The following GNG4 variants were observed in gnomAD, a reference collection of about 807,000 sequenced individuals.
The protein encoded by GNG4 is guanine nucleotide-binding protein G(I)/G(S)/G(O) subunit gamma-4.
A neutral mutation model predicts 5.8 loss-of-function variants in GNG4; 4 were observed. The observed-to-expected ratio is 0.69, with a 90% confidence interval of 0.34 to 1.57. GNG4 has a LOEUF of 1.57. Among genes scored for constraint, GNG4 ranks in the 40% most tolerant of loss-of-function variants. The pLI is 0.06. For missense variants in GNG4, 96 were observed against 95.1 expected (o/e 1.01, Z -0.04); for synonymous variants, 29 against 32.9 (o/e 0.88, Z 0.41).
At chr1:235,592,999 A>C (rs1229533496) in intron 2 of GNG4, among the ~76,000 whole-genome samples, 3 of 145,790 alleles carry the variant, frequency 2.1e-5, no homozygotes, top group Non-Finnish European at 4.5e-5. Flanking sequence ...CCAGGCTTGG[A>C]GTGCAGTGGT....
At chr1:235,587,920 G>GTGTAAGTGTACA (rs1687863687) in intron 2 of GNG4, among the ~76,000 whole-genome samples, 3 of 55,050 alleles carry the variant, frequency 5.4e-5, no homozygotes, top group East Asian at 8.1e-3. Context: ...GTGGGTATAA[G>GTGTAAGTGTACA]TGTGAGTCCT....
chr1:235,592,233 C>T (rs1687982709), intron 2 of GNG4, among the ~76,000 whole-genome samples: 1 of 152,142 alleles, frequency 6.6e-6, no homozygotes, highest in African/African-American at 2.4e-5. Context: ...GGGCCGGGTA[C>T]AGTGACTCAC....
intron 3 of GNG4, among the ~76,000 whole-genome samples, chr1:235,562,375 A>G (rs2102918671): frequency 6.6e-6 from 1 of 152,236 alleles, no homozygotes; most frequent in Non-Finnish European, 1.5e-5. Flanking sequence ...GGTGGGGCAC[A>G]GCAGCTCATG....
In GNG4 at chr1:235,547,849, G is replaced by C. The variant is rs12022945; in HGVS notation, c.*4260C>G. 84,468 of 151,940 alleles carry C rather than the reference G, an allele frequency of 0.56. 24,219 individuals are homozygous for C. Among genetic ancestry groups the C allele is most frequent in the East Asian group, 0.83 (4,287 of 5,162 alleles). 9.4% of individuals were successfully genotyped at this position (151,940 alleles called of 1,614,324 possible). ...ACCCCAGAAGCACCACCTCATGCCC[G>C]CTTCTGGTTACTGTCTTCTTAGGAC... On this transcript the variant is annotated 3_prime_UTR_variant, in exon 4 of 4. Transcript: ENST00000391854.
At chr1:235,576,137 T>C (rs1687478177) in intron 3 of GNG4, among the ~76,000 whole-genome samples, 1 of 150,554 alleles carries the variant, frequency 6.6e-6, no homozygotes, top group African/African-American at 2.5e-5. Context: ...CTGGGCTCAC[T>C]GAAACCTCCG....
chr1:235,605,963 T>G (rs114782182), intron 1 of GNG4, among the ~76,000 whole-genome samples: 74,168 of 142,628 alleles, frequency 0.52, 19,932 homozygotes, highest in Non-Finnish European at 0.58. Context: ...TGTGGGGGGG[T>G]GGGTCTCACT....
At chr1:235,592,828 C>G (rs781597753) in intron 2 of GNG4, among the ~76,000 whole-genome samples, 1 of 152,148 alleles carries the variant, frequency 6.6e-6, no homozygotes, top group African/African-American at 2.4e-5. Context: ...CATGAGCCGC[C>G]GGGTCCTCCT....
intron 3 of GNG4, among the ~76,000 whole-genome samples, chr1:235,574,905 A>C (rs1026019635): frequency 1.1e-4 from 16 of 151,954 alleles, no homozygotes; most frequent in Admixed American, 6.6e-4. Context: ...GCTCACTGCA[A>C]CCTCCACCTC....
chr1:235,603,352 G>A (rs1222227028), intron 1 of GNG4, among the ~76,000 whole-genome samples: 1 of 152,098 alleles, frequency 6.6e-6, no homozygotes, highest in African/African-American at 2.4e-5. Context: ...AAAGGGCACA[G>A]CCTTTCTATC....
chr1:235,553,367 C>T (rs899684261), intron 3 of GNG4, among the ~76,000 whole-genome samples: 7 of 152,060 alleles, frequency 4.6e-5, no homozygotes, highest in African/African-American at 1.4e-4. Context: ...GTTCTGCCTG[C>T]GAGTATTTAT....
chr1:235,555,064 G>A (rs1048776663), intron 3 of GNG4, among the ~76,000 whole-genome samples: 3 of 152,122 alleles, frequency 2.0e-5, no homozygotes, highest in African/African-American at 7.2e-5. Context: ...CAACAGTTTT[G>A]CCCTCTAGAA....
At chr1:235,636,084 A>C (rs1689029773) in intron 1 of GNG4, among the ~76,000 whole-genome samples, 2 of 152,182 alleles carry the variant, frequency 1.3e-5, no homozygotes, top group African/African-American at 4.8e-5. Context: ...TAGACAGGTA[A>C]GCCCAGACTA....
chr1:235,569,535 T>C (rs943408121), intron 3 of GNG4, among the ~76,000 whole-genome samples: 1 of 151,960 alleles, frequency 6.6e-6, no homozygotes, highest in Non-Finnish European at 1.5e-5. Context: ...ATTCTTTTTT[T>C]TTTGTTGTTT....
intron 3 of GNG4, among the ~76,000 whole-genome samples, chr1:235,563,403 C>CAA (rs57471662): frequency 5.9e-4 from 31 of 52,400 alleles, no homozygotes; most frequent in South Asian, 2.3e-3. Context: ...GAAACTGTCT[C>CAA]AAAAAAAAAA....
At chr1:235,555,918 A>T (rs1686890814) in intron 3 of GNG4, among the ~76,000 whole-genome samples, 2 of 151,828 alleles carry the variant, frequency 1.3e-5, no homozygotes, top group Non-Finnish European at 2.9e-5. Flanking sequence ...TCCAGACTGG[A>T]GTGCAGTAGG....
At chr1:235,623,804 C>T (rs931282255) in intron 1 of GNG4, among the ~76,000 whole-genome samples, 6 of 152,194 alleles carry the variant, frequency 3.9e-5, no homozygotes, top group African/African-American at 1.4e-4. Flanking sequence ...CAACCAGCAG[C>T]TGGGGTAGGA....
intron 1 of GNG4, among the ~76,000 whole-genome samples, chr1:235,608,288 C>A (rs903944174): frequency 6.6e-6 from 1 of 152,098 alleles, no homozygotes. Context: ...TATGTTTTAT[C>A]ACTTACCATT....
At chr1:235,603,881 C>A (rs1027955850) in intron 1 of GNG4, among the ~76,000 whole-genome samples, 2 of 152,108 alleles carry the variant, frequency 1.3e-5, no homozygotes, top group African/African-American at 4.8e-5. Context: ...GTTGGCAGAC[C>A]AGCGGTTATA....
intron 1 of GNG4, among the ~76,000 whole-genome samples, chr1:235,626,663 C>A (rs1377393374): frequency 2.0e-5 from 3 of 152,118 alleles, no homozygotes; most frequent in African/African-American, 4.8e-5. Context: ...ACAGCAGCTT[C>A]ATAAAGAACA....
Sources: allele counts gnomAD v4.1 joint callset (sites outside exome capture counted in the v4.1 genomes callset), GRCh38; gene constraint gnomAD v4.1.1; transcripts MANE v1.5; gene names NCBI Gene and HGNC (gene_info 2026-07-23, HGNC 2026-07-21).